CDKN2B-AS1: variants seen among roughly 807,000 people sequenced by gnomAD.
The protein encoded by CDKN2B-AS1 is CDKN2B and CDKN2A antisense cis and trans regulatory RNA 1.
At chr9:22,098,665 CCT>C (rs869294647) in intron 4 of CDKN2B-AS1, among the ~76,000 whole-genome samples, 2 of 152,080 alleles carry the variant, frequency 1.3e-5, no homozygotes, top group Non-Finnish European at 2.9e-5. Context: ...TCATTGAGTC[CCT>C]TCAGCAAGCC....
intron 1 of CDKN2B-AS1, among the ~76,000 whole-genome samples, chr9:22,024,312 G>A (rs927409148): frequency 1.3e-5 from 2 of 152,206 alleles, no homozygotes; most frequent in Non-Finnish European, 2.9e-5. Context: ...AGTCTACTTT[G>A]TTGGAGGACC....
At chr9:22,074,003 A>G (rs1227075590) in intron 4 of CDKN2B-AS1, among the ~76,000 whole-genome samples, 1 of 151,818 alleles carries the variant, frequency 6.6e-6, no homozygotes, top group Non-Finnish European at 1.5e-5. Context: ...AGTTTGGACT[A>G]CAGGTGTGTG....
rs3808846 is a variant in CDKN2B-AS1, at chr9:22,010,947, G to A, written n.29+15786G>A. Among the ~76,000 whole-genome samples the A allele has an allele frequency of 9.0e-3, 1,371 of 152,244 alleles. 112 individuals carry two copies. In the East Asian group the frequency reaches 0.19, roughly 22 times the overall value. The stretch of plus-strand genomic sequence containing the variant: ...GGAAGATAATGTTTTTCTTTGAGGG[G>A]GACATAAAGAATGGTGATAGGGAAA... On this transcript the variant is annotated intron_variant and non_coding_transcript_variant, in intron 1 of 4. Transcript: ENST00000650946.
intron 1 of CDKN2B-AS1, among the ~76,000 whole-genome samples, chr9:22,045,255 T>C (rs1482604017): frequency 1.3e-5 from 2 of 152,068 alleles, no homozygotes; most frequent in Non-Finnish European, 2.9e-5. Context: ...GTTTATTATA[T>C]ATTAGACATT....
In CDKN2B-AS1 at chr9:22,040,117, C is replaced by G. The variant is rs117561861; in HGVS notation, n.30-6634C>G. On this transcript the variant is annotated intron_variant and non_coding_transcript_variant, in intron 1 of 4. Coordinates refer to ENST00000650946, the Ensembl canonical transcript of CDKN2B-AS1. ...CTGCTAATCTCAGACGTCTAGCTTC[C>G]AGAGCTGTGAGACAATTTCTCTTTT... Among the ~76,000 whole-genome samples, 1,253 of 152,082 alleles carry G rather than the reference C, an allele frequency of 8.2e-3. 86 individuals carry two copies. The East Asian group carries it at 0.18, about 21-fold the overall frequency.
chr9:22,116,787 C>T (rs1587551170), intron 4 of CDKN2B-AS1, among the ~76,000 whole-genome samples: 1 of 152,308 alleles, frequency 6.6e-6, no homozygotes, highest in Non-Finnish European at 1.5e-5. Context: ...GGTTACCATT[C>T]TAATGACAGT....
chr9:22,100,356 T>C (rs1825441254), intron 4 of CDKN2B-AS1, among the ~76,000 whole-genome samples: 1 of 152,210 alleles, frequency 6.6e-6, no homozygotes, highest in African/African-American at 2.4e-5. Flanking sequence ...CTTCCATGTT[T>C]TTAAAATAGC....
rs1472205727 is a variant in CDKN2B-AS1, at chr9:21,996,116, G to T, written n.29+955G>T. ...AGACCTTACAGGGGAGGAAAGTGAG[G>T]CCTGCACTGGCCGAGCCACCCACTT... On this transcript the variant is annotated intron_variant and non_coding_transcript_variant, in intron 1 of 4. Coordinates refer to ENST00000650946, the Ensembl canonical transcript of CDKN2B-AS1. The surrounding 1 kb of genome is among the most constrained non-coding windows in gnomAD (Gnocchi z 5.4). The T allele has an allele frequency of 6.6e-6, 1 of 152,294 alleles. No homozygotes were observed. 9.4% of individuals were successfully genotyped at this position (152,294 alleles called of 1,614,324 possible).
At chr9:22,074,085 A>T (rs907250986) in intron 4 of CDKN2B-AS1, among the ~76,000 whole-genome samples, 4 of 151,974 alleles carry the variant, frequency 2.6e-5, no homozygotes, top group African/African-American at 9.7e-5. Flanking sequence ...CTGGTCTCGA[A>T]CTCCTAGGCT....
rs982425967 is a variant in CDKN2B-AS1, at chr9:21,999,084, C to A, written n.29+3923C>A. ...TGTAAACAGAAACAATGGCATATAACCACAAGTGTGGCAAAAAGAAAAAAG... is the reference window on the plus strand; with the variant it reads ...TGTAAACAGAAACAATGGCATATAAACACAAGTGTGGCAAAAAGAAAAAAG... On this transcript the variant is annotated intron_variant and non_coding_transcript_variant, in intron 1 of 4. Transcript: ENST00000650946. This position sits in a 1 kb window ranked among gnomAD's most constrained non-coding sequence, Gnocchi z 4.7. 2.0e-5 allele frequency among the ~76,000 whole-genome samples: 3 copies of A among 151,920 alleles called. No homozygotes were observed. The highest frequency in any genetic ancestry group is 4.4e-5 in the Non-Finnish European group (3 of 67,946).
chr9:22,027,391 A>G (rs976393455), intron 1 of CDKN2B-AS1, among the ~76,000 whole-genome samples: 5 of 152,224 alleles, frequency 3.3e-5, no homozygotes, highest in Non-Finnish European at 2.9e-5. Context: ...ATCTATTGGA[A>G]AAAACTCAGA....
At chr9:22,061,708 G>T (rs1037878294) in intron 4 of CDKN2B-AS1, among the ~76,000 whole-genome samples, 1 of 152,028 alleles carries the variant, frequency 6.6e-6, no homozygotes, top group African/African-American at 2.4e-5. Context: ...ATTTGTCCCA[G>T]CCCTTACAAG....
intron 1 of CDKN2B-AS1, among the ~76,000 whole-genome samples, chr9:22,018,129 G>A (rs890228785): frequency 6.6e-6 from 1 of 151,154 alleles, no homozygotes; most frequent in African/African-American, 2.4e-5. Context: ...TTCAAGACCA[G>A]CCTGACCAAC....
At chr9:22,008,997 G>A (rs767144669) in intron 1 of CDKN2B-AS1, 2 of 1,613,312 alleles carry the variant, frequency 1.2e-6, no homozygotes, top group South Asian at 2.2e-5. Flanking sequence ...ATCCACCGTT[G>A]GCCGTAAACT....
intron 3 of CDKN2B-AS1, chr9:22,056,247 T>TTTTTTTTTC (rs397743274): frequency 3.8e-5 from 5 of 132,720 alleles, no homozygotes; most frequent in Non-Finnish European, 8.2e-5. Context: ...TTTTTTTTTT[T>TTTTTTTTTC]CCAGTAGAGA....
chr9:21,995,828 C>G lies in CDKN2B-AS1; in HGVS notation n.29+667C>G, dbSNP rs1005018554. The G allele has an allele frequency of 2.0e-5, 3 of 152,304 alleles. No homozygotes were observed. The highest frequency in any genetic ancestry group is 4.4e-5 in the Non-Finnish European group (3 of 68,104). The allele number at this position is 152,304 out of a possible 1,614,324, so 9.4% of individuals were successfully genotyped here. On this transcript the variant is annotated intron_variant and non_coding_transcript_variant, in intron 1 of 4. Coordinates refer to ENST00000650946, the Ensembl canonical transcript of CDKN2B-AS1. The surrounding 1 kb of genome is among the most constrained non-coding windows in gnomAD (Gnocchi z 5.7). ...GAAGTCGAGCCCAGGACGCCGCCTT[C>G]AGGCCGGCGCGCTGACCCGGTGCCC...
At chr9:22,054,676 ATTTTT>A (rs1343971870) in intron 3 of CDKN2B-AS1, among the ~76,000 whole-genome samples, 2 of 150,118 alleles carry the variant, frequency 1.3e-5, no homozygotes, top group Non-Finnish European at 1.5e-5. Context: ...AGCTTTTTTT[ATTTTT>A]ATTTTTTTAT....
At chr9:22,083,652 G>A (rs1195912466) in intron 4 of CDKN2B-AS1, among the ~76,000 whole-genome samples, 1 of 152,190 alleles carries the variant, frequency 6.6e-6, no homozygotes, top group Non-Finnish European at 1.5e-5. Context: ...AGCTCGATCA[G>A]CCTATATTTA....
intron 1 of CDKN2B-AS1, among the ~76,000 whole-genome samples, chr9:22,019,798 C>A (rs1316848122): frequency 6.6e-6 from 1 of 152,080 alleles, no homozygotes; most frequent in African/African-American, 2.4e-5. Flanking sequence ...GAAAGATTTA[C>A]TTTCCTTCAG....
Sources: allele counts gnomAD v4.1 joint callset (sites outside exome capture counted in the v4.1 genomes callset), GRCh38; gene constraint gnomAD v4.1.1; non-coding constraint Gnocchi (gnomAD v3.1); transcripts MANE v1.5; gene names NCBI Gene and HGNC (gene_info 2026-07-23, HGNC 2026-07-21).